The following MCF2L2 variants were observed in gnomAD, a reference collection of about 807,000 sequenced individuals.
MCF2L2 encodes the protein MCF.2 cell line derived transforming sequence-like 2, also known as probable guanine nucleotide exchange factor MCF2L2.
Under a neutral mutation model 150.2 loss-of-function variants are expected in MCF2L2, and 102 were observed. That is an observed-to-expected ratio of 0.68 (90% CI 0.58 to 0.80). The LOEUF is 0.80. MCF2L2 is among the 30% of genes least tolerant of loss of function. The pLI, the probability that MCF2L2 is intolerant of heterozygous loss-of-function variation, is 0.00. For missense variants in MCF2L2, 1,256 were observed against 1,372.8 expected (o/e 0.91, Z 1.34); for synonymous variants, 465 against 491.3 (o/e 0.95, Z 0.71).
At chr3:183,351,190 G>GTGTGTATATATA (rs1491563903) in intron 3 of MCF2L2, among the ~76,000 whole-genome samples, 1 of 38,844 alleles carries the variant, frequency 2.6e-5, no homozygotes, top group African/African-American at 8.7e-5. Context: ...ATTTTCTTAA[G>GTGTGTATATATA]TATATATATA....
intron 1 of MCF2L2, among the ~76,000 whole-genome samples, chr3:183,395,628 G>A (rs1714393533): frequency 1.3e-5 from 2 of 152,096 alleles, no homozygotes; most frequent in Non-Finnish European, 2.9e-5. Flanking sequence ...ATCAAGAAAT[G>A]GAATATTCGG....
chr3:183,322,314 C>T (rs527464322), intron 6 of MCF2L2, among the ~76,000 whole-genome samples: 1 of 152,308 alleles, frequency 6.6e-6, no homozygotes, highest in South Asian at 2.1e-4. Context: ...TTTCAGGAGG[C>T]TTTCGTTAGT....
intron 2 of MCF2L2, among the ~76,000 whole-genome samples, chr3:183,387,931 CAAAAAAAAAAAA>C (rs61024469): frequency 1.4e-5 from 1 of 72,402 alleles, no homozygotes; most frequent in Non-Finnish European, 2.5e-5. Flanking sequence ...GACTCCATCT[CAAAAAAAAAAAA>C]AAAAAAAAAA....
At chr3:183,243,449 G>A (rs891098247) in intron 15 of MCF2L2, among the ~76,000 whole-genome samples, 7 of 152,150 alleles carry the variant, frequency 4.6e-5, no homozygotes, top group African/African-American at 1.7e-4. Flanking sequence ...ATAAGAGCTT[G>A]TATCTGATTT....
intron 5 of MCF2L2, 44 bp downstream of exon 5, chr3:183,338,756 C>G (rs1327456766): frequency 6.4e-7 from 1 of 1,559,192 alleles, no homozygotes. Context: ...CCATCTTAGC[C>G]AGAAGCCCTA....
In MCF2L2 at chr3:183,311,101, C is replaced by T. The variant is rs1369111458; in HGVS notation, c.879-72G>A. 5.9e-6 allele frequency: 5 copies of T among 848,988 alleles called. No individual in the cohort carries two copies. The East Asian group carries it at 1.3e-4, about 22-fold the overall frequency. 52.6% of individuals were successfully genotyped at this position (848,988 alleles called of 1,614,324 possible). On this transcript the variant is annotated intron_variant, in intron 8 of 29. Transcript: ENST00000328913. ...CACAGGCATCCATATAGGCCTATGG[C>T]TAGAACACCTGTGTCTTCGGTCAGT... is the stretch of plus-strand genomic sequence containing the variant.
Position 183,376,325 on chromosome 3 carries a change from A to T in MCF2L2, c.275+2972T>A, listed in dbSNP as rs566169993. ...AATCCTCCATTTAACTTAGCATTTG[A>T]CTGTATCCCTGGGGATTAAGTAAAA... On this transcript the variant is annotated intron_variant, in intron 3 of 29. Transcript: ENST00000328913. 3 of 152,350 alleles carry T rather than the reference A, an allele frequency of 2.0e-5. No homozygotes were observed. The South Asian group carries it at 6.2e-4, about 32-fold the overall frequency. The allele number at this position is 152,350 out of a possible 1,614,324, so 9.4% of individuals were successfully genotyped here.
chr3:183,261,565 T>C (rs1268746259), intron 15 of MCF2L2, among the ~76,000 whole-genome samples: 2 of 152,198 alleles, frequency 1.3e-5, no homozygotes, highest in Admixed American at 1.3e-4. Flanking sequence ...TTTCTAAGCA[T>C]ATCACTTTTA....
At chr3:183,422,195 A>G (rs1183945672) in intron 1 of MCF2L2, among the ~76,000 whole-genome samples, 1 of 152,188 alleles carries the variant, frequency 6.6e-6, no homozygotes, top group Non-Finnish European at 1.5e-5. Context: ...AAGCTGGCCT[A>G]TGGTTTAGCT....
intron 15 of MCF2L2, among the ~76,000 whole-genome samples, chr3:183,233,352 CAA>C (rs71185646): frequency 2.0e-5 from 3 of 146,358 alleles, no homozygotes; most frequent in African/African-American, 2.5e-5. Context: ...AACTCCATCT[CAA>C]AAAAAAAATA....
chr3:183,346,690 G>C (rs1362800624), intron 3 of MCF2L2, among the ~76,000 whole-genome samples: 1 of 152,174 alleles, frequency 6.6e-6, no homozygotes, highest in Non-Finnish European at 1.5e-5. Flanking sequence ...AACTCCTTAA[G>C]CTGATAAGCA....
At chr3:183,318,024 T>C (rs942007989) in intron 7 of MCF2L2, 44 bp downstream of exon 7, 1 of 1,602,430 alleles carries the variant, frequency 6.2e-7, no homozygotes, top group African/African-American at 1.3e-5. Context: ...CAGGCATACC[T>C]GCTGGCACAG....
chr3:183,423,285 G>A (rs1355636678), intron 1 of MCF2L2, among the ~76,000 whole-genome samples: 1 of 152,086 alleles, frequency 6.6e-6, no homozygotes, highest in South Asian at 2.1e-4. Context: ...AATGAGCCAC[G>A]GGCTGAATTT....
At chr3:183,411,599 T>C (rs576946551) in intron 1 of MCF2L2, among the ~76,000 whole-genome samples, 38 of 151,554 alleles carry the variant, frequency 2.5e-4, no homozygotes, top group African/African-American at 8.3e-4. Flanking sequence ...TCTGTAGAAA[T>C]GTTAGGCTAC....
At chr3:183,212,435 A>G (rs563839495) in intron 22 of MCF2L2, among the ~76,000 whole-genome samples, 11 of 152,308 alleles carry the variant, frequency 7.2e-5, no homozygotes, top group Admixed American at 5.9e-4. Flanking sequence ...TGAGCGAGCG[A>G]TAAGTTAGAT....
chr3:183,303,510 C>T (rs1438521874), intron 10 of MCF2L2, among the ~76,000 whole-genome samples: 9 of 152,184 alleles, frequency 5.9e-5, no homozygotes, highest in Admixed American at 6.5e-5. Context: ...CAGGTGCGTA[C>T]ATCTTGCCCC....
intron 23 of MCF2L2, 53 bp from the exon 24 acceptor site, chr3:183,206,267 A>G (rs536754370): frequency 2.0e-4 from 247 of 1,264,948 alleles, no homozygotes; most frequent in Middle Eastern, 3.7e-4. Context: ...CTGATTTTAA[A>G]ATAGTCCCTG....
intron 15 of MCF2L2, among the ~76,000 whole-genome samples, chr3:183,248,619 G>A (rs1724367305): frequency 1.3e-5 from 2 of 152,112 alleles, no homozygotes; most frequent in Admixed American, 6.5e-5. Flanking sequence ...TGGATCGCTT[G>A]AGCCCAGGAG....
At chr3:183,396,910 C>T (rs1221814336) in intron 1 of MCF2L2, among the ~76,000 whole-genome samples, 1 of 152,096 alleles carries the variant, frequency 6.6e-6, no homozygotes, top group African/African-American at 2.4e-5. Flanking sequence ...AGCTACAGCC[C>T]CCAGAAGCCA....
Sources: allele counts gnomAD v4.1 joint callset (sites outside exome capture counted in the v4.1 genomes callset), GRCh38; gene constraint gnomAD v4.1.1; transcripts MANE v1.5; gene names NCBI Gene and HGNC (gene_info 2026-07-23, HGNC 2026-07-21).